Variants in ARB2A observed in about 807,000 individuals in gnomAD.
The protein encoded by ARB2A is cotranscriptional regulator ARB2A.
the ARB2A span, among the ~76,000 whole-genome samples, chr5:93,952,439 G>A: frequency 6.6e-6 from 1 of 152,150 alleles, no homozygotes; most frequent in African/African-American, 2.4e-5. Flanking sequence ...CCCAGATATA[G>A]TATTCTAGGG....
the ARB2A span, chr5:93,741,220 G>A: frequency 1.7e-5 from 27 of 1,613,722 alleles, no homozygotes; most frequent in Admixed American, 1.0e-4. Flanking sequence ...GTCCTCTGGC[G>A]GCGGCAACTT....
chr5:93,783,669 A>G, the ARB2A span, among the ~76,000 whole-genome samples: 1 of 152,222 alleles, frequency 6.6e-6, no homozygotes, highest in African/African-American at 2.4e-5. Flanking sequence ...AACTGCTTAG[A>G]ATATCAGAAA....
chr5:94,037,435 T>G, the ARB2A span, among the ~76,000 whole-genome samples: 1 of 152,070 alleles, frequency 6.6e-6, no homozygotes, highest in Admixed American at 6.6e-5. Context: ...ATCAGCAAAC[T>G]AAACCATTAT....
chr5:93,980,875 T>C, the ARB2A span, among the ~76,000 whole-genome samples: 3 of 152,186 alleles, frequency 2.0e-5, no homozygotes, highest in African/African-American at 7.2e-5. Context: ...TGACTCATAG[T>C]TCTATTATCA....
the ARB2A span, among the ~76,000 whole-genome samples, chr5:93,773,745 A>G: frequency 2.0e-5 from 3 of 152,074 alleles, no homozygotes; most frequent in African/African-American, 7.2e-5. Flanking sequence ...AAACTTTTCC[A>G]TGATTACCAT....
chr5:93,846,496 T>G, the ARB2A span, among the ~76,000 whole-genome samples: 1 of 151,934 alleles, frequency 6.6e-6, no homozygotes, highest in African/African-American at 2.4e-5. Flanking sequence ...AGCAAGACCA[T>G]GTCTCTAAAA....
the ARB2A span, among the ~76,000 whole-genome samples, chr5:93,639,463 T>G: frequency 6.6e-6 from 1 of 151,968 alleles, no homozygotes; most frequent in African/African-American, 2.4e-5. Flanking sequence ...TTTTTTTAAA[T>G]CCCACAATGC....
At chr5:94,077,540 C>T in the ARB2A span, among the ~76,000 whole-genome samples, 1 of 152,134 alleles carries the variant, frequency 6.6e-6, no homozygotes, top group African/African-American at 2.4e-5. Context: ...GCTGGTGAAG[C>T]TCAATCAAGA....
the ARB2A span, among the ~76,000 whole-genome samples, chr5:93,881,918 A>G: frequency 2.0e-5 from 3 of 151,340 alleles, no homozygotes; most frequent in Non-Finnish European, 4.4e-5. Flanking sequence ...AACAAAAAAT[A>G]TAATTGCAAC....
At chr5:93,784,030 G>A in the ARB2A span, among the ~76,000 whole-genome samples, 2 of 152,072 alleles carry the variant, frequency 1.3e-5, no homozygotes, top group Admixed American at 6.5e-5. Flanking sequence ...CGTCTTTCTT[G>A]TAACTAAATA....
At chr5:93,725,964 C>T in the ARB2A span, among the ~76,000 whole-genome samples, 41 of 152,032 alleles carry the variant, frequency 2.7e-4, no homozygotes, top group Non-Finnish European at 5.4e-4. Flanking sequence ...TGCAAGAAGG[C>T]CCTCCACATA....
At chr5:94,097,384 C>A in the ARB2A span, among the ~76,000 whole-genome samples, 1 of 152,324 alleles carries the variant, frequency 6.6e-6, no homozygotes, top group South Asian at 2.1e-4. Context: ...TGCAGATGGG[C>A]TCTGATATGG....
At chr5:93,783,492 G>A in the ARB2A span, among the ~76,000 whole-genome samples, 1 of 152,034 alleles carries the variant, frequency 6.6e-6, no homozygotes, top group Non-Finnish European at 1.5e-5. Context: ...TACCATGAAG[G>A]CTGGTAGAAT....
chr5:93,964,507 A>G, the ARB2A span: 29 of 1,581,982 alleles, frequency 1.8e-5, no homozygotes, highest in Non-Finnish European at 2.4e-5. Context: ...GAGCTCATAT[A>G]CATACTTCGT....
At chr5:94,106,870 GAAAAAA>G in the ARB2A span, among the ~76,000 whole-genome samples, 32 of 57,384 alleles carry the variant, frequency 5.6e-4, no homozygotes, top group Non-Finnish European at 1.0e-3. Context: ...AATCAATGCA[GAAAAAA>G]AAAAAAAAAA....
chr5:93,649,768 C>T, the ARB2A span, among the ~76,000 whole-genome samples: 1 of 152,110 alleles, frequency 6.6e-6, no homozygotes, highest in African/African-American at 2.4e-5. Flanking sequence ...TTGATGAATA[C>T]CTCAGGCTTT....
At chr5:93,890,659 A>T in the ARB2A span, among the ~76,000 whole-genome samples, 1 of 152,058 alleles carries the variant, frequency 6.6e-6, no homozygotes, top group African/African-American at 2.4e-5. Context: ...ACACAGTGAC[A>T]CAGGGCTCTG....
At chr5:93,775,849 T>C in the ARB2A span, among the ~76,000 whole-genome samples, 1 of 152,362 alleles carries the variant, frequency 6.6e-6, no homozygotes, top group African/African-American at 2.4e-5. Context: ...AGATCTTGTA[T>C]GTCTGCCCAA....
At chr5:93,651,363 T>C in the ARB2A span, among the ~76,000 whole-genome samples, 1 of 152,178 alleles carries the variant, frequency 6.6e-6, no homozygotes, top group African/African-American at 2.4e-5. Context: ...CTCAAACTCC[T>C]GGGCTCAAGT....
Sources: gnomAD v4.1 joint callset for allele counts (sites outside exome capture counted in the v4.1 genomes callset) on GRCh38, gnomAD v4.1.1 for gene constraint, MANE v1.5 for transcripts, NCBI Gene and HGNC (gene_info 2026-07-23, HGNC 2026-07-21) for gene names.